The following ACAD10 variants were observed in gnomAD, a reference collection of about 807,000 sequenced individuals.
ACAD10 encodes the protein acyl-CoA dehydrogenase family member 10, also known as ACAD-10.
ACAD10 carries 112 observed loss-of-function variants against 116.8 expected under a neutral mutation model. That is an observed-to-expected ratio of 0.96 (90% CI 0.82 to 1.12). The LOEUF is 1.12. Among genes scored for constraint, ACAD10 ranks in the 50% most tolerant of loss-of-function variants. The pLI, the probability that ACAD10 is intolerant of heterozygous loss-of-function variation, is 0.00. For missense variants in ACAD10, 1,259 were observed against 1,350.2 expected (o/e 0.93, Z 1.06); for synonymous variants, 486 against 510.6 (o/e 0.95, Z 0.65).
At chr12:111,749,441 C>T in intron 18 of ACAD10, 96 bp downstream of exon 18, 1 of 1,459,836 alleles carries the variant, frequency 6.9e-7, no homozygotes, top group Non-Finnish European at 9.1e-7. Context: ...GAGTGCAGTC[C>T]TAGCAGGTGA....
At chr12:111,746,376 T>C (rs1889900263) in intron 14 of ACAD10, 92 bp downstream of exon 14, 2 of 1,358,772 alleles carry the variant, frequency 1.5e-6, no homozygotes, top group Admixed American at 2.7e-5. Flanking sequence ...TCAGAAGCAC[T>C]GGCATGAACT....
chr12:111,721,964 C>G (rs1265013181), intron 8 of ACAD10: 8 of 369,236 alleles, frequency 2.2e-5, no homozygotes, highest in Non-Finnish European at 3.8e-5. Context: ...TTTTAACATT[C>G]AAAAAATACA....
At chr12:111,732,962 C>T (rs1889434194) in intron 10 of ACAD10, among the ~76,000 whole-genome samples, 1 of 152,236 alleles carries the variant, frequency 6.6e-6, no homozygotes. Context: ...GGGGCTGGAT[C>T]TTCTGAAGAC....
At chr12:111,716,000 CCTCCA>C in intron 7 of ACAD10, 38 bp downstream of exon 7, 2 of 1,612,778 alleles carry the variant, frequency 1.2e-6, no homozygotes, top group South Asian at 2.2e-5. Flanking sequence ...TGCCCACTAG[CCTCCA>C]CTGTGCACAA....
chr12:111,734,946 G>A (rs534443271), intron 11 of ACAD10, among the ~76,000 whole-genome samples: 5 of 152,220 alleles, frequency 3.3e-5, no homozygotes, highest in African/African-American at 7.2e-5. Flanking sequence ...GAAGACGGCC[G>A]GGCGCGGTGG....
At position 111,756,653 on chromosome 12, in the gene ACAD10, A is replaced by T; in HGVS notation, c.*180A>T. 1 of 1,047,218 alleles carries T rather than the reference A, an allele frequency of 9.5e-7. No homozygotes were observed. Among genetic ancestry groups the T allele is most frequent in the Non-Finnish European group, 1.4e-6 (1 of 702,468 alleles). The allele number at this position is 1,047,218 out of a possible 1,614,324, so 64.9% of individuals were successfully genotyped here. On this transcript the variant is annotated 3_prime_UTR_variant, in exon 21 of 21. Coordinates refer to ENST00000313698, the MANE Select transcript of ACAD10 (RefSeq NM_025247.6). ...CTCCACAGAAGACGTCTCTGCAAGAAGCCTGGAGTCTGTTTCAGGCCAGGA... is the reference window on the plus strand; with the variant it reads ...CTCCACAGAAGACGTCTCTGCAAGATGCCTGGAGTCTGTTTCAGGCCAGGA...
chr12:111,727,844 A>G, intron 8 of ACAD10, 118 bp from the exon 9 acceptor site: 1 of 1,031,056 alleles, frequency 9.7e-7, no homozygotes, highest in South Asian at 1.6e-5. Context: ...TCTGGGTCTG[A>G]ACTCTTCACC....
At chr12:111,750,590 AAAAT>A (rs900771777) in intron 18 of ACAD10, among the ~76,000 whole-genome samples, 2 of 152,082 alleles carry the variant, frequency 1.3e-5, no homozygotes, top group South Asian at 4.1e-4. Flanking sequence ...TGTCTCTTTA[AAAAT>A]AAATAAATAA....
At chr12:111,747,800 A>G (rs1889957400) in intron 16 of ACAD10, 10 of 1,008,434 alleles carry the variant, frequency 9.9e-6, no homozygotes, top group Non-Finnish European at 1.1e-5. Flanking sequence ...CAGGGCCCCT[A>G]CAAGTAGCCG....
At chr12:111,753,625 G>C (rs1332846298) in intron 18 of ACAD10, 147 bp from the exon 19 acceptor site, 1 of 1,064,278 alleles carries the variant, frequency 9.4e-7, no homozygotes, top group Non-Finnish European at 1.4e-6. Context: ...AGGCACCTTG[G>C]CTGAGAAGAT....
chr12:111,686,851 C>A (rs950480039), intron 1 of ACAD10, among the ~76,000 whole-genome samples: 1 of 152,178 alleles, frequency 6.6e-6, no homozygotes, highest in Non-Finnish European at 1.5e-5. Context: ...GCTTGAGATA[C>A]GTTGGCGTAT....
rs180697986 is a variant in ACAD10 at position 111,708,470 on chromosome 12, A to G, written c.532-1056A>G. Among the ~76,000 whole-genome samples the G allele has an allele frequency of 2.0e-5, 3 of 148,712 alleles. No individual in the cohort carries two copies. In the East Asian group the frequency reaches 5.9e-4, roughly 29 times the overall value. On this transcript the variant is annotated intron_variant, in intron 4 of 20. Coordinates refer to ENST00000313698, the MANE Select transcript of ACAD10 (RefSeq NM_025247.6). Reference sequence around the variant, plus strand: ...CGTTTTCTTTAGGGTAGCCTCTTAGACTTTTTTTTTTTAGCTCATTCAGGT... The same window carrying G: ...CGTTTTCTTTAGGGTAGCCTCTTAGGCTTTTTTTTTTTAGCTCATTCAGGT...
intron 10 of ACAD10, among the ~76,000 whole-genome samples, chr12:111,730,470 G>A (rs1889354134): frequency 6.6e-6 from 1 of 151,514 alleles, no homozygotes. Flanking sequence ...CAGGGTCTCT[G>A]GGGGTATGTG....
chr12:111,709,461 A>G, intron 4 of ACAD10, 65 bp from the exon 5 acceptor site: 2 of 1,389,864 alleles, frequency 1.4e-6, no homozygotes, highest in Non-Finnish European at 1.9e-6. Flanking sequence ...CAAAAAGTTT[A>G]CCAGCATGCA....
intron 10 of ACAD10, 22 bp downstream of exon 10, chr12:111,729,978 G>A (rs1412387465): frequency 6.2e-7 from 1 of 1,609,428 alleles, no homozygotes; most frequent in Admixed American, 1.7e-5. Flanking sequence ...GGCAGGGAGA[G>A]CTGAAAAATG....
At chr12:111,696,153 C>T (rs975990578) in intron 2 of ACAD10, among the ~76,000 whole-genome samples, 5 of 151,688 alleles carry the variant, frequency 3.3e-5, no homozygotes, top group African/African-American at 9.7e-5. Flanking sequence ...CCTGAAACTC[C>T]TGGGCTCAAG....
intron 18 of ACAD10, among the ~76,000 whole-genome samples, chr12:111,751,493 G>A (rs1890070313): frequency 6.6e-6 from 1 of 152,196 alleles, no homozygotes; most frequent in South Asian, 2.1e-4. Context: ...CACTTTGGGA[G>A]GCTGAGGTGG....
chr12:111,709,768 T>G, intron 5 of ACAD10, 84 bp downstream of exon 5: 1 of 1,385,044 alleles, frequency 7.2e-7, no homozygotes, highest in South Asian at 1.5e-5. Context: ...CATTTGTAGC[T>G]CTAGCTTTCC....
At chr12:111,742,792 C>T (rs943391652) in intron 12 of ACAD10, among the ~76,000 whole-genome samples, 1 of 152,172 alleles carries the variant, frequency 6.6e-6, no homozygotes, top group African/African-American at 2.4e-5. Flanking sequence ...CCACGGCAAC[C>T]TCCACCTCCT....
Sources: allele counts gnomAD v4.1 joint callset (sites outside exome capture counted in the v4.1 genomes callset), GRCh38; gene constraint gnomAD v4.1.1; transcripts MANE v1.5; gene names NCBI Gene and HGNC (gene_info 2026-07-23, HGNC 2026-07-21).